The following PPIG variants were observed in gnomAD, a reference collection of about 807,000 sequenced individuals.
PPIG encodes the protein peptidylprolyl isomerase G.
Under a neutral mutation model 87.9 loss-of-function variants are expected in PPIG, and 26 were observed. The ratio of observed to expected loss-of-function variants is 0.30; its 90% confidence interval spans 0.22 to 0.41. PPIG has a LOEUF of 0.41. Among genes scored for constraint, PPIG ranks in the 10% least tolerant of loss-of-function variants. The pLI, the probability that PPIG is intolerant of heterozygous loss-of-function variation, is 1.00. For missense variants in PPIG, 722 were observed against 879.4 expected, an observed-to-expected ratio of 0.82 and a Z score of 2.26; for synonymous variants, 308 against 276.5, an observed-to-expected ratio of 1.11 and a Z score of -1.13.
At chr2:169,615,308 A>G (rs1685583227) in intron 9 of PPIG, among the ~76,000 whole-genome samples, 2 of 152,182 alleles carry the variant, frequency 1.3e-5, no homozygotes, top group Admixed American at 1.3e-4. Flanking sequence ...TGGCCCCCCA[A>G]AGTGCTGGGA....
chr2:169,636,419 G>C lies in PPIG; in HGVS notation c.1161G>C (p.Glu387Asp). The change falls in exon 14 of 14, where the codon GAG becomes GAC. Residue 387 changes from glutamate (E) to aspartate (D), a missense_variant. Physicochemically the swap from Glu to Asp is conservative, Grantham distance 45. Transcript: ENST00000260970. ...GERWIKGDKS[E>D]LNEIKENQRS... ...TCTTTTTCTTATTTTTTAGGAGTGAGTTGAATGAAATAAAAGAAAATCAGA... is the reference window on the plus strand; with the variant it reads ...TCTTTTTCTTATTTTTTAGGAGTGACTTGAATGAAATAAAAGAAAATCAGA... The C allele has an allele frequency of 6.5e-7, 1 of 1,529,470 alleles. No individual in the cohort carries two copies. The highest frequency in any genetic ancestry group is 8.8e-7 in the Non-Finnish European group (1 of 1,138,238). 94.7% of individuals were successfully genotyped at this position (1,529,470 alleles called of 1,614,324 possible). A position where few individuals can be genotyped will look rare whatever the true frequency, so the allele number is the denominator to read the frequency against.
chr2:169,602,053 G>A (rs1015688045), intron 1 of PPIG, among the ~76,000 whole-genome samples: 1 of 152,068 alleles, frequency 6.6e-6, no homozygotes, highest in Admixed American at 6.6e-5. Flanking sequence ...TCACACATAA[G>A]TACTTAATAC....
At chr2:169,610,931 T>G (rs1574450408) in intron 7 of PPIG, among the ~76,000 whole-genome samples, 1 of 152,130 alleles carries the variant, frequency 6.6e-6, no homozygotes, top group East Asian at 1.9e-4. Flanking sequence ...TATGGCTGGG[T>G]GCAGTGGCTC....
At chr2:169,600,941 C>T (rs2044506) in intron 1 of PPIG, among the ~76,000 whole-genome samples, 49,634 of 151,760 alleles carry the variant, frequency 0.33, 8,662 homozygotes, top group African/African-American at 0.46. Flanking sequence ...AAACCTTATA[C>T]GTAAAGCTGA....
chr2:169,610,574 TC>T (rs1685458017), intron 7 of PPIG, among the ~76,000 whole-genome samples: 1 of 152,074 alleles, frequency 6.6e-6, no homozygotes, highest in African/African-American at 2.4e-5. Flanking sequence ...ACCCAACCCT[TC>T]CACTCCATTC....
Position 169,636,935 on chromosome 2 carries a change from T to G in PPIG, c.1677T>G (p.Asn559Lys). Residue 559 changes from asparagine (N) to lysine (K), a missense_variant, in exon 14 of 14, where the codon AAT becomes AAG. By Grantham distance (94) the Asn-to-Lys change is moderately conservative. Around this residue, in one of 4 missense-constraint regions of PPIG, gnomAD observed 476 missense variants for 483.1 expected, o/e 0.99. Transcript: ENST00000260970. ...CDITKGKHSY[N>K]SRTRERSRSR... is the part of the protein sequence containing the mutation. Reference sequence around the variant, plus strand: ...TAACTAAAGGTAAACACAGTTATAATAGCAGAACAAGAGAACGAAGCAGAA... The same window carrying G: ...TAACTAAAGGTAAACACAGTTATAAGAGCAGAACAAGAGAACGAAGCAGAA... 6.2e-7 allele frequency: 1 copy of G among 1,613,846 alleles called. No individual in the cohort carries two copies. The highest frequency in any genetic ancestry group is 2.2e-5 in the East Asian group (1 of 44,856).
Position 169,604,056 on chromosome 2 carries a change from T to G in PPIG, c.15T>G (p.Val5=), listed in dbSNP as rs765461642. The G allele has an allele frequency of 1.2e-6, 2 of 1,613,898 alleles. No homozygotes were observed. The highest frequency in any genetic ancestry group is 1.7e-6 in the Non-Finnish European group (2 of 1,179,848). MGIK[V]QRPRCFFDIA... is the part of the protein sequence containing the mutation. Reference sequence around the variant, plus strand: ...GTATTGGAGCCATGGGAATAAAGGTTCAACGTCCTCGATGTTTTTTTGACA... The same window carrying G: ...GTATTGGAGCCATGGGAATAAAGGTGCAACGTCCTCGATGTTTTTTTGACA... The change falls in exon 3 of 14, where the codon GTT becomes GTG. Residue 5 remains valine (V), a synonymous_variant. Coordinates refer to ENST00000260970, the MANE Select transcript of PPIG (RefSeq NM_004792.3).
Position 169,602,222 on chromosome 2 carries a change from C to A in PPIG, c.-69-1420C>A, listed in dbSNP as rs530189048. ...TCGTGTATGATAATATTCCAAAATT[C>A]AAAAAAAAAATCTGAAACACTTCTG... On this transcript the variant is annotated intron_variant, in intron 1 of 13. Transcript: ENST00000260970. 1.5e-3 allele frequency among the ~76,000 whole-genome samples: 219 copies of A among 150,538 alleles called. 1 individual carries two copies. In the East Asian group the frequency reaches 0.022, roughly 15 times the overall value.
At position 169,640,457 on chromosome 2, in the gene PPIG, T is replaced by C. The variant is rs1686286549; in HGVS notation, c.*2934T>C. On this transcript the variant is annotated 3_prime_UTR_variant, in exon 14 of 14. Transcript: ENST00000260970. ...AGTTAGTATGTTTGTTAGTAGTTTATTGTACTTCATTCCAGTTGGTAATAT... is the reference window on the plus strand; with the variant it reads ...AGTTAGTATGTTTGTTAGTAGTTTACTGTACTTCATTCCAGTTGGTAATAT... The C allele has an allele frequency of 6.6e-6, 1 of 152,182 alleles. No homozygotes were observed. The highest frequency in any genetic ancestry group is 1.5e-5 in the Non-Finnish European group (1 of 68,014). The allele number at this position is 152,182 out of a possible 1,614,324, so 9.4% of individuals were successfully genotyped here. A position where few individuals can be genotyped will look rare whatever the true frequency, so the allele number is the denominator to read the frequency against.
intron 1 of PPIG, among the ~76,000 whole-genome samples, chr2:169,591,842 T>C (rs1211538170): frequency 6.6e-6 from 1 of 151,774 alleles, no homozygotes; most frequent in East Asian, 1.9e-4. Flanking sequence ...TAAACAAATT[T>C]GCAGCAAACA....
In PPIG at chr2:169,636,082, T is replaced by C; in HGVS notation, c.1018-10T>C. 1 of 1,584,150 alleles carries C rather than the reference T, an allele frequency of 6.3e-7. No individual in the cohort carries two copies. Among genetic ancestry groups the C allele is most frequent in the Middle Eastern group, 1.7e-4 (1 of 5,880 alleles). ...ATACATTAATTTTTCCCTATTTTAA[T>C]TTTCTTTAGCGTTATCGAACTCCTT... On this transcript the variant is annotated splice_polypyrimidine_tract_variant and intron_variant, in intron 12 of 13. Coordinates refer to ENST00000260970, the MANE Select transcript of PPIG (RefSeq NM_004792.3).
At chr2:169,631,989 A>C in intron 11 of PPIG, 56 bp downstream of exon 11, 1 of 1,369,162 alleles carries the variant, frequency 7.3e-7, no homozygotes, top group Non-Finnish European at 9.6e-7. Flanking sequence ...TTTTCTTTTT[A>C]AAAAGTTATT....
At chr2:169,625,728 A>AT (rs537963241) in intron 9 of PPIG, among the ~76,000 whole-genome samples, 44 of 146,858 alleles carry the variant, frequency 3.0e-4, no homozygotes, top group East Asian at 7.9e-4. Flanking sequence ...CCTTTAACCA[A>AT]TTTTTTTTTT....
chr2:169,602,970 G>C (rs750909339), intron 1 of PPIG, among the ~76,000 whole-genome samples: 89 of 152,244 alleles, frequency 5.8e-4, no homozygotes, highest in Middle Eastern at 3.4e-3. Flanking sequence ...CTAATGGTTT[G>C]GATAATGAGG....
rs530420388 is a variant in PPIG, at chr2:169,636,557, C to T, written c.1299C>T (p.Ser433=). The change falls in exon 14 of 14, where the codon AGC becomes AGT. Residue 433 remains serine (S), a synonymous_variant. Coordinates refer to ENST00000260970, the MANE Select transcript of PPIG (RefSeq NM_004792.3). ...EKKVKDHKSN[S]KERDIRRNSE... ...AAGTTAAAGACCATAAATCTAACAGCAAAGAGAGAGACATCAGAAGAAATT... is the reference window on the plus strand; with the variant it reads ...AAGTTAAAGACCATAAATCTAACAGTAAAGAGAGAGACATCAGAAGAAATT... 1.9e-6 allele frequency: 3 copies of T among 1,607,228 alleles called. No homozygotes were observed. The highest frequency in any genetic ancestry group is 2.2e-5 in the South Asian group (2 of 89,076).
chr2:169,636,464 A>G lies in PPIG; in HGVS notation c.1206A>G (p.Lys402=), dbSNP rs752167244. ...ATCAGAGAAGTCCAGTTAGAGTAAAAGAGAGAAAAATAACAGATCACAGGA... is the reference window on the plus strand; with the variant it reads ...ATCAGAGAAGTCCAGTTAGAGTAAAGGAGAGAAAAATAACAGATCACAGGA... ...KENQRSPVRV[K]ERKITDHRNV... is the part of the protein sequence containing the mutation. Residue 402 remains lysine, a synonymous_variant, in exon 14 of 14, where the codon AAA becomes AAG. Coordinates refer to ENST00000260970, the MANE Select transcript of PPIG (RefSeq NM_004792.3). 1.9e-6 allele frequency: 3 copies of G among 1,573,986 alleles called. No homozygotes were observed. The highest frequency in any genetic ancestry group is 1.7e-6 in the Non-Finnish European group (2 of 1,166,170).
At chr2:169,603,367 C>G (rs902519617) in intron 1 of PPIG, among the ~76,000 whole-genome samples, 2 of 152,036 alleles carry the variant, frequency 1.3e-5, no homozygotes, top group African/African-American at 4.8e-5. Context: ...CACAGAGTAT[C>G]TCTTTGGTAT....
intron 12 of PPIG, chr2:169,633,594 G>A: frequency 3.1e-6 from 1 of 319,238 alleles, no homozygotes; most frequent in Non-Finnish European, 5.6e-6. Flanking sequence ...TTACTAGAGT[G>A]TCCTCATCAG....
chr2:169,597,434 C>G (rs1685049126), intron 1 of PPIG, among the ~76,000 whole-genome samples: 1 of 151,974 alleles, frequency 6.6e-6, no homozygotes, highest in Non-Finnish European at 1.5e-5. Context: ...GCTAGGACTG[C>G]AGGTGCACGT....
Sources: gnomAD v4.1 joint callset for allele counts (sites outside exome capture counted in the v4.1 genomes callset) on GRCh38, gnomAD v4.1.1 for gene constraint, gnomAD v4.1.1 regional missense constraint, MANE v1.5 for transcripts, NCBI Gene and HGNC (gene_info 2026-07-23, HGNC 2026-07-21) for gene names.